PKHD1: variants seen among roughly 807,000 people sequenced by gnomAD.
PKHD1 encodes the protein fibrocystin.
In PKHD1, 291 loss-of-function variants were observed where a neutral mutation model predicts 412.0. That is an observed-to-expected ratio of 0.71 (90% CI 0.64 to 0.78). The LOEUF (loss-of-function observed/expected upper bound fraction) is 0.78, where lower values mean the gene tolerates loss of function less well. Ranked by LOEUF, PKHD1 falls within the 30% of genes least tolerant of loss-of-function variation. PKHD1 has a pLI of 0.00. For synonymous variants in PKHD1, 1,777 were observed against 1,821.5 expected (o/e 0.98, Z 0.62); for missense variants, 4,825 against 4,950.7 (o/e 0.97, Z 0.76).
At chr6:52,059,154 G>A (rs1293872486) in intron 15 of PKHD1, among the ~76,000 whole-genome samples, 1 of 151,776 alleles carries the variant, frequency 6.6e-6, no homozygotes, top group African/African-American at 2.4e-5. Context: ...AGTGGAAAAG[G>A]CACAAGTTTT....
rs187397508 is a variant in PKHD1 at position 52,002,718 on chromosome 6, A to T, written c.5751+7591T>A. 2.0e-3 allele frequency among the ~76,000 whole-genome samples: 310 copies of T among 152,344 alleles called. 1 individual carries two copies. Among genetic ancestry groups the T allele is most frequent in the Non-Finnish European group, 1.6e-3 (110 of 68,038 alleles). ...AGAAGACAAGGAGGGAAGGGGAGGG[A>T]AGACAAAAGGGACAAAATTGTTTTT... On this transcript the variant is annotated intron_variant, in intron 35 of 66. Coordinates refer to ENST00000371117, the MANE Select transcript of PKHD1 (RefSeq NM_138694.4).
At chr6:51,911,470 G>C (rs1196445064) in intron 39 of PKHD1, among the ~76,000 whole-genome samples, 1 of 152,146 alleles carries the variant, frequency 6.6e-6, no homozygotes, top group Non-Finnish European at 1.5e-5. Flanking sequence ...GAGAATCTTA[G>C]AAGTGGCCTG....
At chr6:51,703,902 G>T (rs887570057) in intron 60 of PKHD1, among the ~76,000 whole-genome samples, 1 of 151,986 alleles carries the variant, frequency 6.6e-6, no homozygotes, top group African/African-American at 2.4e-5. Context: ...TATAAGTCAA[G>T]ATGCTCTACT....
At chr6:51,788,101 A>G (rs1181273168) in intron 53 of PKHD1, among the ~76,000 whole-genome samples, 1 of 152,154 alleles carries the variant, frequency 6.6e-6, no homozygotes, top group African/African-American at 2.4e-5. Flanking sequence ...TTGCCCTTAG[A>G]TTCCCTCAAA....
intron 4 of PKHD1, among the ~76,000 whole-genome samples, chr6:52,081,538 C>T (rs1405115892): frequency 3.4e-5 from 5 of 145,632 alleles, no homozygotes; most frequent in East Asian, 2.0e-4. Context: ...TAAGGCTACA[C>T]GTGCTGTACC....
chr6:51,842,327 C>T (rs1214804062), intron 50 of PKHD1, among the ~76,000 whole-genome samples: 1 of 152,132 alleles, frequency 6.6e-6, no homozygotes, highest in African/African-American at 2.4e-5. Flanking sequence ...TTATCACCGG[C>T]TGCTGGTCGG....
chr6:51,805,001 C>T (rs887293846), intron 52 of PKHD1, among the ~76,000 whole-genome samples: 2 of 152,144 alleles, frequency 1.3e-5, no homozygotes, highest in East Asian at 1.9e-4. Flanking sequence ...AATAGAACTA[C>T]CATTAAAACC....
intron 52 of PKHD1, among the ~76,000 whole-genome samples, chr6:51,805,698 G>A (rs920849619): frequency 1.3e-5 from 2 of 152,136 alleles, no homozygotes; most frequent in African/African-American, 2.4e-5. Context: ...ATGAAAGTAA[G>A]CCACTAAGGG....
intron 60 of PKHD1, among the ~76,000 whole-genome samples, chr6:51,723,351 A>G (rs1782164027): frequency 6.6e-6 from 1 of 152,178 alleles, no homozygotes; most frequent in Admixed American, 6.5e-5. Context: ...CAAACAGAGA[A>G]AACCTTGTTA....
rs141777220 is a variant in PKHD1 at position 51,832,161 on chromosome 6, G to A, written c.8174-1172C>T. ...GCTGATAGTGTTATATCAGTATTAGGAGGATAAAAACTCTACACAGGCACT... is the reference window on the plus strand; with the variant it reads ...GCTGATAGTGTTATATCAGTATTAGAAGGATAAAAACTCTACACAGGCACT... On this transcript the variant is annotated intron_variant, in intron 51 of 66. Coordinates refer to ENST00000371117, the MANE Select transcript of PKHD1 (RefSeq NM_138694.4). 2.5e-3 allele frequency among the ~76,000 whole-genome samples: 376 copies of A among 152,182 alleles called. 1 individual carries two copies. Among genetic ancestry groups the A allele is most frequent in the African/African-American group, 8.6e-3 (356 of 41,550 alleles).
rs143142251 is a variant in PKHD1 at position 51,743,727 on chromosome 6, A to G, written c.10156+658T>C. On this transcript the variant is annotated intron_variant, in intron 60 of 66. Coordinates refer to ENST00000371117, the MANE Select transcript of PKHD1 (RefSeq NM_138694.4). ...AATCAACTAATGAGATAGGGAGAAA[A>G]CAGAAAAACTTCTTTACATTTGACC... 2.0e-5 allele frequency among the ~76,000 whole-genome samples: 3 copies of G among 152,328 alleles called. No homozygotes were observed. The East Asian group carries it at 5.8e-4, about 29-fold the overall frequency.
At position 51,754,945 on chromosome 6, in the gene PKHD1, C is replaced by G. The variant is rs775263962; in HGVS notation, c.8643-7G>C. The G allele has an allele frequency of 6.2e-6, 10 of 1,611,694 alleles. No homozygotes were observed. The highest frequency in any genetic ancestry group is 1.3e-5 in the African/African-American group (1 of 74,842). ...TGCATCTTCTACTATAATTCTGTAA[C>G]AGCATAACAATGGCATTGGATATAC... is the stretch of plus-strand genomic sequence containing the variant. On this transcript the variant is annotated splice_region_variant and splice_polypyrimidine_tract_variant and intron_variant, in intron 55 of 66. Transcript: ENST00000371117.
intron 35 of PKHD1, 100 bp from the exon 36 acceptor site, chr6:51,960,126 A>G (rs1349287984): frequency 2.6e-6 from 3 of 1,141,620 alleles, no homozygotes; most frequent in Non-Finnish European, 3.9e-6. Flanking sequence ...TGGTTCATTC[A>G]TTGTTTTTGG....
At chr6:51,887,575 T>C (rs1778421714) in intron 43 of PKHD1, among the ~76,000 whole-genome samples, 1 of 152,084 alleles carries the variant, frequency 6.6e-6, no homozygotes, top group South Asian at 2.1e-4. Context: ...CTCACCATAG[T>C]AAGTGAGTTC....
intron 51 of PKHD1, among the ~76,000 whole-genome samples, chr6:51,831,861 T>A (rs1768307735): frequency 6.6e-6 from 1 of 152,246 alleles, no homozygotes; most frequent in South Asian, 2.1e-4. Flanking sequence ...TAATTTCCAA[T>A]GGGGACTGTC....
At position 52,025,604 on chromosome 6, in the gene PKHD1, A is replaced by G; in HGVS notation, c.4206T>C (p.Cys1402=). Residue 1402 remains cysteine, a synonymous_variant, in exon 32 of 67, where the codon TGT becomes TGC. Coordinates refer to ENST00000371117, the MANE Select transcript of PKHD1 (RefSeq NM_138694.4). The stretch of plus-strand genomic sequence containing the variant: ...CCCTCACAGTAAGTATGGTCCCACC[A>G]CATGCCGAACCCTGCGATGGGAAGA... ...MAIFPSQGSA[C]GGTILTVRGL... The G allele has an allele frequency of 6.2e-7, 1 of 1,614,170 alleles. No individual in the cohort carries two copies.
At chr6:51,686,730 C>T (rs1777492142) in intron 60 of PKHD1, among the ~76,000 whole-genome samples, 1 of 152,058 alleles carries the variant, frequency 6.6e-6, no homozygotes, top group Non-Finnish European at 1.5e-5. Context: ...CAGAAAAGCA[C>T]CAGGCACATA....
At chr6:51,721,927 A>T in intron 60 of PKHD1, 1 of 1,612,166 alleles carries the variant, frequency 6.2e-7, no homozygotes, top group South Asian at 1.1e-5. Context: ...CCCATTCTTC[A>T]CCCTGCTTCC....
intron 51 of PKHD1, among the ~76,000 whole-genome samples, chr6:51,834,424 C>A (rs1481286462): frequency 6.6e-6 from 1 of 151,822 alleles, no homozygotes; most frequent in Admixed American, 6.6e-5. Flanking sequence ...GCACTTAGTA[C>A]GGGTACATAT....
Sources: allele counts gnomAD v4.1 joint callset (sites outside exome capture counted in the v4.1 genomes callset), GRCh38; gene constraint gnomAD v4.1.1; transcripts MANE v1.5; gene names NCBI Gene and HGNC (gene_info 2026-07-23, HGNC 2026-07-21).